The following NECAB1 variants were observed in gnomAD, a reference collection of about 807,000 sequenced individuals.
The protein encoded by NECAB1 is N-terminal EF-hand calcium binding protein 1, also known as N-terminal EF-hand calcium-binding protein 1.
A neutral mutation model predicts 57.5 loss-of-function variants in NECAB1; 29 were observed. The ratio of observed to expected loss-of-function variants is 0.50; its 90% CI spans 0.38 to 0.69. The LOEUF (loss-of-function observed/expected upper bound fraction) is 0.69. NECAB1 is among the 30% of genes least tolerant of loss of function. NECAB1 has a pLI of 0.00. For missense variants in NECAB1, 372 were observed against 413.8 expected (o/e 0.90, Z 0.88); for synonymous variants, 142 against 147.7 (o/e 0.96, Z 0.28).
chr8:90,901,689 A>G (rs934891258), intron 5 of NECAB1, among the ~76,000 whole-genome samples: 3 of 152,168 alleles, frequency 2.0e-5, no homozygotes, highest in African/African-American at 2.4e-5. Flanking sequence ...TGAAATTTGT[A>G]TAGTACGACC....
intron 3 of NECAB1, among the ~76,000 whole-genome samples, chr8:90,828,742 A>G (rs961431698): frequency 5.9e-5 from 9 of 152,052 alleles, no homozygotes; most frequent in African/African-American, 1.9e-4. Context: ...TCTTGCATAT[A>G]GTAATTGATT....
chr8:90,953,089 A>G (rs922971270), intron 12 of NECAB1, among the ~76,000 whole-genome samples: 3 of 152,150 alleles, frequency 2.0e-5, no homozygotes, highest in African/African-American at 7.2e-5. Context: ...CATCACACCC[A>G]TTTCCATCTC....
chr8:90,896,326 C>T (rs999293953), intron 5 of NECAB1, among the ~76,000 whole-genome samples: 2 of 152,152 alleles, frequency 1.3e-5, no homozygotes, highest in Admixed American at 6.5e-5. Context: ...ATATGTCGGC[C>T]GGGCGAGGTG....
chr8:90,948,854 T>C (rs995574089), intron 10 of NECAB1, among the ~76,000 whole-genome samples: 23 of 152,210 alleles, frequency 1.5e-4, no homozygotes. Flanking sequence ...TCTTTTAAAA[T>C]ATAGCTCTAG....
intron 6 of NECAB1, among the ~76,000 whole-genome samples, chr8:90,923,287 A>G (rs1586128827): frequency 6.6e-6 from 1 of 152,212 alleles, no homozygotes; most frequent in Non-Finnish European, 1.5e-5. Context: ...ATAGGACACA[A>G]TACTAACAAA....
chr8:90,896,859 A>G (rs1454905451), intron 5 of NECAB1, among the ~76,000 whole-genome samples: 2 of 151,748 alleles, frequency 1.3e-5, no homozygotes, highest in Non-Finnish European at 2.9e-5. Context: ...CTCTGCCCTG[A>G]CTCCCGCCAA....
intron 9 of NECAB1, among the ~76,000 whole-genome samples, chr8:90,938,101 TA>T (rs1480729221): frequency 2.6e-5 from 4 of 152,236 alleles, no homozygotes; most frequent in African/African-American, 9.6e-5. Context: ...GTCCCAAGAC[TA>T]AAAAAGATGA....
intron 5 of NECAB1, among the ~76,000 whole-genome samples, chr8:90,897,366 A>T (rs570802934): frequency 4.8e-4 from 73 of 152,324 alleles, no homozygotes; most frequent in Non-Finnish European, 9.1e-4. Flanking sequence ...TTGCTGCAAA[A>T]CTACCAATAT....
chr8:90,886,976 G>A (rs1809012135), intron 5 of NECAB1, among the ~76,000 whole-genome samples: 1 of 151,598 alleles, frequency 6.6e-6, no homozygotes, highest in South Asian at 2.1e-4. Flanking sequence ...TTATATTTTT[G>A]TTGTTTTATA....
chr8:90,824,932 G>A, intron 3 of NECAB1, 107 bp downstream of exon 3: 1 of 472,724 alleles, frequency 2.1e-6, no homozygotes, highest in Non-Finnish European at 3.7e-6. Context: ...GGTATATTTT[G>A]CCAAGTTTGC....
chr8:90,840,477 C>A (rs1461264208), intron 3 of NECAB1, among the ~76,000 whole-genome samples: 4 of 152,242 alleles, frequency 2.6e-5, no homozygotes, highest in African/African-American at 9.6e-5. Flanking sequence ...CAGCTTCTTA[C>A]TAAATTCAAC....
At chr8:90,876,016 T>A (rs1808720763) in intron 4 of NECAB1, among the ~76,000 whole-genome samples, 1 of 151,544 alleles carries the variant, frequency 6.6e-6, no homozygotes, top group South Asian at 2.1e-4. Context: ...TCTCAAAAAA[T>A]AATAATAATA....
intron 8 of NECAB1, among the ~76,000 whole-genome samples, chr8:90,931,819 G>T (rs189636993): frequency 6.6e-6 from 1 of 152,064 alleles, no homozygotes. Flanking sequence ...CAGGAGAATC[G>T]CTTGAACCCC....
chr8:90,807,843 A>C (rs1811878889), intron 2 of NECAB1, among the ~76,000 whole-genome samples: 1 of 152,248 alleles, frequency 6.6e-6, no homozygotes, highest in Admixed American at 6.5e-5. Flanking sequence ...AAGTCAAAGC[A>C]AAGTCTATTA....
At chr8:90,800,727 A>G (rs989682582) in intron 1 of NECAB1, among the ~76,000 whole-genome samples, 7 of 152,306 alleles carry the variant, frequency 4.6e-5, no homozygotes, top group Non-Finnish European at 8.8e-5. Context: ...CAGCAGAAAG[A>G]AGAGTATGTC....
intron 5 of NECAB1, among the ~76,000 whole-genome samples, chr8:90,910,080 T>C (rs1401814527): frequency 6.6e-6 from 1 of 152,158 alleles, no homozygotes; most frequent in East Asian, 1.9e-4. Flanking sequence ...TTTGTTTTTA[T>C]GTTCCTTCTA....
At chr8:90,951,849 T>C (rs1810929816) in intron 12 of NECAB1, among the ~76,000 whole-genome samples, 1 of 152,070 alleles carries the variant, frequency 6.6e-6, no homozygotes, top group Non-Finnish European at 1.5e-5. Flanking sequence ...AAGTGATTAC[T>C]TCTTTAATAG....
At chr8:90,847,778 C>A (rs1189955445) in intron 3 of NECAB1, among the ~76,000 whole-genome samples, 1 of 152,204 alleles carries the variant, frequency 6.6e-6, no homozygotes, top group Non-Finnish European at 1.5e-5. Flanking sequence ...TGTATCTTGG[C>A]CCCTTTTAGC....
chr8:90,897,820 G>A (rs936397375), intron 5 of NECAB1, among the ~76,000 whole-genome samples: 25 of 152,276 alleles, frequency 1.6e-4, no homozygotes, highest in Admixed American at 8.5e-4. Flanking sequence ...GTGTATTGGC[G>A]TGAAATAAAT....
Sources: allele counts gnomAD v4.1 joint callset (sites outside exome capture counted in the v4.1 genomes callset), GRCh38; gene constraint gnomAD v4.1.1; transcripts MANE v1.5; gene names NCBI Gene and HGNC (gene_info 2026-07-23, HGNC 2026-07-21).